The following ANKRD28 variants were observed in gnomAD, a reference collection of about 807,000 sequenced individuals.
The protein encoded by ANKRD28 is ankyrin repeat domain 28.
A neutral mutation model predicts 126.5 loss-of-function variants in ANKRD28; 44 were observed. The ratio of observed to expected loss-of-function variants is 0.35; its 90% CI spans 0.27 to 0.45. The LOEUF (loss-of-function observed/expected upper bound fraction) is 0.45. ANKRD28 is among the 20% of genes least tolerant of loss of function. The probability of loss-of-function intolerance (pLI) is 1.00; values close to 1 mark genes in which losing one functional copy is unlikely to be tolerated. For missense variants in ANKRD28, 1,110 were observed against 1,316.6 expected, an observed-to-expected ratio of 0.84 and a Z score of 2.43; for synonymous variants, 442 against 468.5, an observed-to-expected ratio of 0.94 and a Z score of 0.73.
chr3:15,706,047 C>CA (rs61336367), intron 14 of ANKRD28, among the ~76,000 whole-genome samples: 88,660 of 151,120 alleles, frequency 0.59, 26,285 homozygotes, highest in Middle Eastern at 0.65. Context: ...CAAAAACAAA[C>CA]AAAAAACCCC....
intron 21 of ANKRD28, among the ~76,000 whole-genome samples, chr3:15,680,378 C>T (rs2067416091): frequency 1.3e-5 from 2 of 151,668 alleles, no homozygotes; most frequent in African/African-American, 2.4e-5. Context: ...TAGCTTTTTT[C>T]GTATTTTTAG....
chr3:15,729,140 C>G (rs560847366), intron 6 of ANKRD28, among the ~76,000 whole-genome samples: 1 of 152,164 alleles, frequency 6.6e-6, no homozygotes, highest in Admixed American at 6.5e-5. Context: ...CTAGGCCCCA[C>G]TCAACTACAT....
At chr3:15,692,154 A>AT in intron 17 of ANKRD28, among the ~76,000 whole-genome samples, 1 of 151,172 alleles carries the variant, frequency 6.6e-6, no homozygotes, top group Non-Finnish European at 1.5e-5. Flanking sequence ...TAAAAAAAAA[A>AT]AAAAAAAAAA....
intron 2 of ANKRD28, among the ~76,000 whole-genome samples, chr3:15,774,655 A>G (rs1006948311): frequency 2.6e-5 from 4 of 152,186 alleles, no homozygotes; most frequent in Non-Finnish European, 5.9e-5. Flanking sequence ...CAAGATATCA[A>G]AAGCATTAAC....
At chr3:15,739,895 G>A (rs1363394391) in intron 4 of ANKRD28, among the ~76,000 whole-genome samples, 2 of 152,150 alleles carry the variant, frequency 1.3e-5, no homozygotes, top group African/African-American at 4.8e-5. Context: ...GATATATGGA[G>A]GCCTATCACT....
rs1253798065 is a variant in ANKRD28 at position 15,712,870 on chromosome 3, T to G, written c.1191-648A>C. On this transcript the variant is annotated intron_variant, in intron 10 of 27. Transcript: ENST00000683139. Reference sequence around the variant, plus strand: ...CTCATGTAATTTTTTTGGAAAAAGTTACAAAACAGATAGGTGCAGTACCAT... The same window carrying G: ...CTCATGTAATTTTTTTGGAAAAAGTGACAAAACAGATAGGTGCAGTACCAT... Among the ~76,000 whole-genome samples the G allele has an allele frequency of 3.9e-5, 6 of 152,182 alleles. No individual in the cohort carries two copies. The East Asian group carries it at 9.6e-4, about 24-fold the overall frequency.
rs919553393 is a variant in ANKRD28, at chr3:15,845,492, G to A, written c.27+13885C>T. On this transcript the variant is annotated intron_variant, in intron 1 of 27. Coordinates refer to the ANKRD28 transcript ENST00000399451. This position sits in a 1 kb window ranked among gnomAD's most constrained non-coding sequence, Gnocchi z 4.9. Reference sequence around the variant, plus strand: ...TATTTCAATCATTCAGGCACTTACAGACATGCTAGTTTCTAACTACCTGCC... The same window carrying A: ...TATTTCAATCATTCAGGCACTTACAAACATGCTAGTTTCTAACTACCTGCC... Among the ~76,000 whole-genome samples, 2 of 152,120 alleles carry A rather than the reference G, an allele frequency of 1.3e-5. No individual in the cohort carries two copies. The highest frequency in any genetic ancestry group is 4.8e-5 in the African/African-American group (2 of 41,410).
At chr3:15,759,885 C>T (rs544512977) in intron 3 of ANKRD28, among the ~76,000 whole-genome samples, 10 of 152,146 alleles carry the variant, frequency 6.6e-5, no homozygotes, top group South Asian at 4.1e-4. Flanking sequence ...ATCTTTCAGA[C>T]GATCTAGAGC....
intron 1 of ANKRD28, among the ~76,000 whole-genome samples, 173 bp from the exon 2 acceptor site, chr3:15,795,479 G>GA (rs920997192): frequency 1.3e-5 from 2 of 149,496 alleles, no homozygotes; most frequent in East Asian, 1.9e-4. Flanking sequence ...TTCCTACTTG[G>GA]AAAAAAAAGG....
In ANKRD28 at chr3:15,796,836, C is replaced by T; in HGVS notation, c.-315G>A. 1 of 988,228 alleles carries T rather than the reference C, an allele frequency of 1.0e-6. No individual in the cohort carries two copies. The highest frequency in any genetic ancestry group is 1.2e-6 in the Non-Finnish European group (1 of 831,680). 61.2% of individuals were successfully genotyped at this position (988,228 alleles called of 1,614,324 possible). A position where few individuals can be genotyped will look rare whatever the true frequency, so the allele number is the denominator to read the frequency against. On this transcript the variant is annotated 5_prime_UTR_variant, in exon 1 of 28. Coordinates refer to ENST00000683139, the MANE Select transcript of ANKRD28 (RefSeq NM_001349278.2). ...CCAAGCTCATTTAAAAATATTTTTC[C>T]TCTACCAAAATAGTCTTATTGCTCT...
intron 2 of ANKRD28, among the ~76,000 whole-genome samples, 166 bp downstream of exon 2, chr3:15,795,057 C>G (rs141838719): frequency 4.0e-4 from 61 of 152,136 alleles, no homozygotes; most frequent in African/African-American, 1.4e-3. Context: ...TGCTACTGCC[C>G]TGAGTATATG....
chr3:15,794,976 G>GT (rs1015615006), intron 2 of ANKRD28, among the ~76,000 whole-genome samples: 19 of 152,080 alleles, frequency 1.2e-4, no homozygotes, highest in African/African-American at 4.1e-4. Context: ...TAGTCAGCAT[G>GT]TTTTTTTAAC....
chr3:15,783,137 T>C (rs1183364652), intron 2 of ANKRD28, among the ~76,000 whole-genome samples: 1 of 151,760 alleles, frequency 6.6e-6, no homozygotes, highest in Non-Finnish European at 1.5e-5. Context: ...CTTAAGAGAA[T>C]GAAAATACAG....
At chr3:15,808,698 G>A (rs549915166) in intron 1 of ANKRD28, among the ~76,000 whole-genome samples, 15 of 152,156 alleles carry the variant, frequency 9.9e-5, no homozygotes, top group Admixed American at 5.9e-4. Flanking sequence ...TTAACCTTCT[G>A]TTCCTTTATT....
intron 5 of ANKRD28, among the ~76,000 whole-genome samples, chr3:15,735,698 G>C (rs1373707864): frequency 1.3e-5 from 2 of 152,142 alleles, no homozygotes; most frequent in African/African-American, 4.8e-5. Context: ...GGGTGCTACT[G>C]AAGTCAGGCA....
intron 21 of ANKRD28, chr3:15,684,352 G>A (rs2067869844): frequency 6.6e-6 from 1 of 152,278 alleles, no homozygotes; most frequent in Non-Finnish European, 1.5e-5. Context: ...GAGCCTGTAG[G>A]AGGCCAAAGA....
intron 7 of ANKRD28, 47 bp downstream of exon 7, chr3:15,724,335 G>C (rs1392031951): frequency 2.7e-6 from 4 of 1,472,396 alleles, no homozygotes; most frequent in Non-Finnish European, 3.7e-6. Context: ...GTAATAGTAA[G>C]TATAAAAGGG....
intron 1 of ANKRD28, among the ~76,000 whole-genome samples, chr3:15,855,840 G>T (rs1046546946): frequency 6.6e-6 from 1 of 152,180 alleles, no homozygotes; most frequent in African/African-American, 2.4e-5. Context: ...AAATATTTCG[G>T]AAGTGGATGG....
rs1419684803 is a variant in ANKRD28 at position 15,830,653 on chromosome 3, G to A, written c.27+28724C>T. 6.6e-6 allele frequency among the ~76,000 whole-genome samples: 1 copy of A among 151,922 alleles called. No homozygotes were observed. Among genetic ancestry groups the A allele is most frequent in the Admixed American group, 6.6e-5 (1 of 15,252 alleles). On this transcript the variant is annotated intron_variant, in intron 1 of 27. Transcript: ENST00000399451. This position sits in a 1 kb window ranked among gnomAD's most constrained non-coding sequence, Gnocchi z 4.5. ...GGTGCCAAAAACACTGGGGACTGCT[G>A]CAGTAATGGATTAATTTTGGCCAAA...
Sources: allele counts gnomAD v4.1 joint callset (sites outside exome capture counted in the v4.1 genomes callset), GRCh38; gene constraint gnomAD v4.1.1; non-coding constraint Gnocchi (gnomAD v3.1); transcripts MANE v1.5; gene names NCBI Gene and HGNC (gene_info 2026-07-23, HGNC 2026-07-21).